ZNF671: variants seen among roughly 807,000 people sequenced by gnomAD.
The protein encoded by ZNF671 is hypothetical protein FLJ23506.
ZNF671 carries 19 observed loss-of-function variants against 16.6 expected under a neutral mutation model. That is an observed-to-expected ratio of 1.14 (90% CI 0.80 to 1.68). The LOEUF is 1.68. ZNF671 is among the 40% of genes most tolerant of loss of function. The pLI is 0.00. For missense variants in ZNF671, 637 were observed against 659.8 expected (o/e 0.97, Z 0.38); for synonymous variants, 238 against 236.3 (o/e 1.01, Z -0.06).
chr19:57,720,841 G>A lies in ZNF671; in HGVS notation c.1245C>T (p.His415=). 6.2e-7 allele frequency: 1 copy of A among 1,613,894 alleles called. No individual in the cohort carries two copies. Among genetic ancestry groups the A allele is most frequent in the South Asian group, 1.1e-5 (1 of 91,062 alleles). ...EFSRKHTLVL[H]QRTHTGERPY... ...GCCTTTCTCCAGTGTGAGTTCGTTG[G>A]TGCAGAACAAGTGTGTGTTTCCGAC... is the stretch of plus-strand genomic sequence containing the variant. Residue 415 remains histidine, a synonymous_variant, in exon 4 of 4, where the codon CAC becomes CAT. Transcript: ENST00000317398.
chr19:57,721,736 G>C (rs923064644), intron 3 of ZNF671, 39 bp from the exon 4 acceptor site: 1 of 1,583,392 alleles, frequency 6.3e-7, no homozygotes, highest in Non-Finnish European at 8.6e-7. Flanking sequence ...GCATATTTAC[G>C]GGTGGGAAGG....
At chr19:57,721,765 G>C in intron 3 of ZNF671, 68 bp from the exon 4 acceptor site, 1 of 1,542,224 alleles carries the variant, frequency 6.5e-7, no homozygotes, top group Non-Finnish European at 8.8e-7. Context: ...CATTGTATAT[G>C]TGCATTTGAC....
intron 1 of ZNF671, among the ~76,000 whole-genome samples, chr19:57,725,888 C>T (rs1330857871): frequency 6.6e-6 from 1 of 151,890 alleles, no homozygotes; most frequent in Non-Finnish European, 1.5e-5. Context: ...GAGCCAAGAT[C>T]GCACCATTGC....
In ZNF671 at chr19:57,720,513, G is replaced by A; in HGVS notation, c.1573C>T (p.His525Tyr). 3.1e-6 allele frequency: 5 copies of A among 1,614,112 alleles called. No individual in the cohort carries two copies. The highest frequency in any genetic ancestry group is 4.2e-6 in the Non-Finnish European group (5 of 1,179,948). Residue 525 changes from histidine (H) to tyrosine (Y), a missense_variant, in exon 4 of 4, where the codon CAC becomes TAC. Transcript: ENST00000317398. ...TTTTCTCCAGCATGAACCCTCTGGT[G>A]CAGAACAAGTGTCTGTTTCCGGATG... ...EFIRKQTLVLHQRVHAGEKL is the reference protein window; with the variant it reads ...EFIRKQTLVLYQRVHAGEKL
Position 57,721,598 on chromosome 19 carries a change from G to C in ZNF671, c.488C>G (p.Ser163Cys). The change falls in exon 4 of 4, where the codon TCT becomes TGT. Residue 163 changes from serine (S) to cysteine (C), a missense_variant. By Grantham distance (112) the Ser-to-Cys change is moderately radical. Coordinates refer to ENST00000317398, the MANE Select transcript of ZNF671 (RefSeq NM_024833.3). ...TGGGCCACATATGTCACATGGGTGA[G>C]ACTCCAGCTCTGCCATGAGAGTCCT... is the stretch of plus-strand genomic sequence containing the variant. ...EVRTLMAELE[S>C]HPCDICGPIL... 1 of 1,614,198 alleles carries C rather than the reference G, an allele frequency of 6.2e-7. No homozygotes were observed. The highest frequency in any genetic ancestry group is 8.5e-7 in the Non-Finnish European group (1 of 1,180,042).
intron 3 of ZNF671, chr19:57,721,935 G>T: frequency 1.6e-6 from 1 of 609,374 alleles, no homozygotes; most frequent in Non-Finnish European, 2.8e-6. Flanking sequence ...ATGGCTTCCA[G>T]TAGGGCCTTG....
intron 1 of ZNF671, among the ~76,000 whole-genome samples, chr19:57,723,725 C>G (rs181082994): frequency 6.6e-6 from 1 of 151,894 alleles, no homozygotes; most frequent in South Asian, 2.1e-4. Flanking sequence ...CAGCTTCCCC[C>G]CCACCCTACT....
intron 1 of ZNF671, among the ~76,000 whole-genome samples, chr19:57,725,766 A>G (rs1986023333): frequency 6.6e-6 from 1 of 151,440 alleles, no homozygotes; most frequent in South Asian, 2.1e-4. Flanking sequence ...GTGAAACTCT[A>G]TCTAATAAAA....
chr19:57,727,553 C>G lies in ZNF671; in HGVS notation c.-25G>C, dbSNP rs754823401. 4.4e-6 allele frequency: 7 copies of G among 1,580,666 alleles called. No homozygotes were observed. The highest frequency in any genetic ancestry group is 5.2e-6 in the Non-Finnish European group (6 of 1,156,434). Reference sequence around the variant, plus strand: ...TCTCCTCCGCGCTTTCCCAACACCTCCACCTGCGGCCCACACAAGCGTTAC... The same window carrying G: ...TCTCCTCCGCGCTTTCCCAACACCTGCACCTGCGGCCCACACAAGCGTTAC... On this transcript the variant is annotated 5_prime_UTR_variant, in exon 1 of 4. Coordinates refer to ENST00000317398, the MANE Select transcript of ZNF671 (RefSeq NM_024833.3).
chr19:57,727,241 C>T (rs1600055358), intron 1 of ZNF671, 150 bp downstream of exon 1: 1 of 1,183,436 alleles, frequency 8.4e-7, no homozygotes, highest in Non-Finnish European at 1.1e-6. Flanking sequence ...GCGCCGTCCC[C>T]TCCGCCCGTA....
rs929440610 is a variant in ZNF671, at chr19:57,720,235, T to C, written c.*246A>G. 4 of 571,646 alleles carry C rather than the reference T, an allele frequency of 7.0e-6. No homozygotes were observed. The highest frequency in any genetic ancestry group is 1.2e-5 in the Non-Finnish European group (4 of 321,074). 35.4% of individuals were successfully genotyped at this position (571,646 alleles called of 1,614,324 possible). The stretch of plus-strand genomic sequence containing the variant: ...TCTATGAAGTTTCACTTCTTACTGA[T>C]GGTTCCCTCCCAATGGCTGCTCCCA... On this transcript the variant is annotated 3_prime_UTR_variant, in exon 4 of 4. Coordinates refer to ENST00000317398, the MANE Select transcript of ZNF671 (RefSeq NM_024833.3).
At position 57,722,354 on chromosome 19, in the gene ZNF671, G is replaced by A; in HGVS notation, c.350C>T (p.Ser117Leu). Residue 117 changes from serine (S) to leucine (L), a missense_variant, in exon 3 of 4, where the codon TCA (serine) becomes TTA (leucine). By Grantham distance (145) the Ser-to-Leu change is moderately radical (BLOSUM62 -2). Transcript: ENST00000317398. ...PWVYDQVDMT[S>L]ATEREAQRGL... The stretch of plus-strand genomic sequence containing the variant: ...CCTCTGGGCCTCTCTTTCTGTGGCT[G>A]AAGTCATATCCACCTGGTCATACAC... The A allele has an allele frequency of 6.2e-7, 1 of 1,614,132 alleles. No homozygotes were observed. Among genetic ancestry groups the A allele is most frequent in the Non-Finnish European group, 8.5e-7 (1 of 1,180,004 alleles).
rs1985792614 is a variant in ZNF671, at chr19:57,719,975, G to A, written c.*506C>T. 6.2e-6 allele frequency: 1 copy of A among 161,536 alleles called. No individual in the cohort carries two copies. Among genetic ancestry groups the A allele is most frequent in the East Asian group, 1.7e-4 (1 of 5,794 alleles). 10.0% of individuals were successfully genotyped at this position (161,536 alleles called of 1,614,324 possible). A position where few individuals can be genotyped will look rare whatever the true frequency, so the allele number is the denominator to read the frequency against. On this transcript the variant is annotated 3_prime_UTR_variant, in exon 4 of 4. Coordinates refer to ENST00000317398, the MANE Select transcript of ZNF671 (RefSeq NM_024833.3). ...AAAAGAGAGGAAATTAAGACCCCTA[G>A]TGGGCTGTGAGACCACTCACAACAC...
In ZNF671 at chr19:57,720,414, C is replaced by G; in HGVS notation, c.*67G>C. ...CATCTGCTGCACTCATTAACTACTG[C>G]TAGTTCCCCACCATATAGTAAGTCA... On this transcript the variant is annotated 3_prime_UTR_variant, in exon 4 of 4. Transcript: ENST00000317398. 1 of 1,553,802 alleles carries G rather than the reference C, an allele frequency of 6.4e-7. No homozygotes were observed. The highest frequency in any genetic ancestry group is 1.2e-5 in the South Asian group (1 of 82,050).
intron 1 of ZNF671, 169 bp downstream of exon 1, chr19:57,727,222 C>G: frequency 1.1e-6 from 1 of 934,684 alleles, no homozygotes; most frequent in Admixed American, 3.3e-5. Context: ...CACCCCCGAG[C>G]CTTTACCTGC....
At chr19:57,722,709 C>T (rs1600051800) in intron 2 of ZNF671, among the ~76,000 whole-genome samples, 2 of 152,216 alleles carry the variant, frequency 1.3e-5, no homozygotes, top group East Asian at 3.9e-4. Context: ...CAAGACCAGC[C>T]TGGGCAACAT....
intron 2 of ZNF671, among the ~76,000 whole-genome samples, chr19:57,722,761 GGT>G (rs928056320): frequency 1.3e-5 from 2 of 152,096 alleles, no homozygotes; most frequent in African/African-American, 4.8e-5. Flanking sequence ...TGGGCGTGGT[GGT>G]GTGTGTCTGT....
In ZNF671 at chr19:57,721,534, C is replaced by T. The variant is rs1245328102; in HGVS notation, c.552G>A (p.Gly184=). The T allele has an allele frequency of 5.0e-6, 8 of 1,614,192 alleles. No individual in the cohort carries two copies. Among genetic ancestry groups the T allele is most frequent in the African/African-American group, 1.3e-5 (1 of 75,034 alleles). ...KDTLHLAKYH[G]GKARQKPYLC... ...AGTATGGTTTCTGCCTGGCTTTTCCCCCATGGTATTTAGCCAGGTGTAAGG... is the reference window on the plus strand; with the variant it reads ...AGTATGGTTTCTGCCTGGCTTTTCCTCCATGGTATTTAGCCAGGTGTAAGG... Residue 184 remains glycine, a synonymous_variant, in exon 4 of 4, where the codon GGG becomes GGA. Transcript: ENST00000317398.
At chr19:57,724,751 T>C (rs1485389922) in intron 1 of ZNF671, among the ~76,000 whole-genome samples, 2 of 152,080 alleles carry the variant, frequency 1.3e-5, no homozygotes, top group African/African-American at 4.8e-5. Flanking sequence ...GGTCTTGATC[T>C]CCTGACCTCG....
Sources: allele counts gnomAD v4.1 joint callset (sites outside exome capture counted in the v4.1 genomes callset), GRCh38; gene constraint gnomAD v4.1.1; transcripts MANE v1.5; gene names NCBI Gene and HGNC (gene_info 2026-07-23, HGNC 2026-07-21).